Variants in ST7 observed in about 807,000 individuals in gnomAD.
The protein encoded by ST7 is suppressor of tumorigenicity 7 protein.
Under a neutral mutation model 78.7 loss-of-function variants are expected in ST7, and 28 were observed. The observed-to-expected ratio is 0.36, with a 90% CI of 0.26 to 0.49. ST7 has a LOEUF of 0.49. Among genes scored for constraint, ST7 ranks in the 20% least tolerant of loss-of-function variants. The pLI is 0.99. For synonymous variants in ST7, 247 were observed against 249.6 expected (o/e 0.99, Z 0.10); for missense variants, 418 against 696.0 (o/e 0.60, Z 4.49).
intron 1 of ST7, among the ~76,000 whole-genome samples, chr7:117,044,584 C>A (rs1797395783): frequency 6.6e-6 from 1 of 151,746 alleles, no homozygotes; most frequent in Non-Finnish European, 1.5e-5. Context: ...CTCTTGACCA[C>A]AAGTGATCAG....
At chr7:117,004,924 A>G (rs1340209540) in intron 1 of ST7, among the ~76,000 whole-genome samples, 1 of 152,210 alleles carries the variant, frequency 6.6e-6, no homozygotes, top group African/African-American at 2.4e-5. Context: ...AATTAGGAGT[A>G]ATGGGAACTT....
chr7:116,967,219 T>C (rs901138523), intron 1 of ST7: 3 of 455,836 alleles, frequency 6.6e-6, no homozygotes, highest in African/African-American at 4.0e-5. Flanking sequence ...TATATTGGTA[T>C]GAATAGGTAG....
intron 1 of ST7, chr7:116,955,087 G>T: frequency 2.1e-6 from 1 of 470,858 alleles, no homozygotes; most frequent in Non-Finnish European, 4.4e-6. Flanking sequence ...GAAAGACCAT[G>T]GCTTTCTCGC....
intron 1 of ST7, among the ~76,000 whole-genome samples, chr7:117,008,069 CAG>C (rs1448125466): frequency 3.3e-5 from 5 of 152,018 alleles, no homozygotes; most frequent in Non-Finnish European, 5.9e-5. Context: ...GACAAAAAAG[CAG>C]AGAGGAAATT....
intron 7 of ST7, among the ~76,000 whole-genome samples, chr7:117,134,651 A>G (rs1407210403): frequency 1.3e-5 from 2 of 151,920 alleles, no homozygotes; most frequent in Non-Finnish European, 2.9e-5. Context: ...TCACTTCATT[A>G]CCCTTGCCTC....
At chr7:117,072,527 T>C (rs572710357) in intron 1 of ST7, 1 of 152,200 alleles carries the variant, frequency 6.6e-6, no homozygotes, top group Non-Finnish European at 1.5e-5. Context: ...TTCCCCAGAT[T>C]ATCTTTTGTA....
chr7:117,000,159 C>T (rs913839827), intron 1 of ST7, among the ~76,000 whole-genome samples: 12 of 152,062 alleles, frequency 7.9e-5, no homozygotes, highest in Non-Finnish European at 1.5e-4. Flanking sequence ...GGAGATGAAC[C>T]GTGGACTGTG....
chr7:117,104,707 G>T (rs773327027), intron 2 of ST7, among the ~76,000 whole-genome samples: 38 of 152,162 alleles, frequency 2.5e-4, no homozygotes, highest in Non-Finnish European at 4.9e-4. Flanking sequence ...CCAAAATTTA[G>T]AATCAATTTA....
intron 1 of ST7, among the ~76,000 whole-genome samples, chr7:117,042,191 A>G (rs1332537672): frequency 6.6e-6 from 1 of 152,240 alleles, no homozygotes; most frequent in Non-Finnish European, 1.5e-5. Flanking sequence ...AAAAAGATGT[A>G]GAGACTATCT....
intron 1 of ST7, among the ~76,000 whole-genome samples, chr7:116,998,133 C>T (rs1563001851): frequency 6.6e-6 from 1 of 152,230 alleles, no homozygotes; most frequent in Non-Finnish European, 1.5e-5. Context: ...AGGTCCTGAG[C>T]CCTGCCCACT....
intron 1 of ST7, among the ~76,000 whole-genome samples, chr7:117,039,218 C>G (rs568853293): frequency 6.6e-5 from 10 of 152,164 alleles, no homozygotes; most frequent in African/African-American, 2.4e-4. Context: ...AAAGGCTTGC[C>G]AAACTTTAAG....
chr7:116,955,538 G>A (rs1792420884), intron 1 of ST7, among the ~76,000 whole-genome samples: 1 of 152,048 alleles, frequency 6.6e-6, no homozygotes, highest in Non-Finnish European at 1.5e-5. Context: ...CCACTCACAG[G>A]TCCCACCTTT....
In ST7 at chr7:117,108,971, T is replaced by C. The variant is rs117529682; in HGVS notation, c.234+9127T>C. Among the ~76,000 whole-genome samples the C allele has an allele frequency of 5.9e-3, 899 of 152,366 alleles. 9 individuals are homozygous for C. The highest frequency in any genetic ancestry group is 8.6e-3 in the Non-Finnish European group (584 of 68,038). ...TTTTGTATCCTAAAACTTTGCTGAA[T>C]TCATTTACCACTCCTGGGAGCTTTT... is the stretch of plus-strand genomic sequence containing the variant. On this transcript the variant is annotated intron_variant, in intron 2 of 15. Transcript: ENST00000323984.
rs1774864004 is a variant in ST7, at chr7:117,206,004, G to A, written c.1255-3783G>A. 2.0e-5 allele frequency among the ~76,000 whole-genome samples: 3 copies of A among 152,302 alleles called. No homozygotes were observed. In the South Asian group the frequency reaches 6.2e-4, roughly 32 times the overall value. On this transcript the variant is annotated intron_variant, in intron 12 of 15. Transcript: ENST00000323984. ...ATTTTTCTCTTGACAAGTAAGATGTGAAATGTTGTTCCATGCTTTTCTAAT... is the reference window on the plus strand; with the variant it reads ...ATTTTTCTCTTGACAAGTAAGATGTAAAATGTTGTTCCATGCTTTTCTAAT...
chr7:116,994,990 C>G (rs1436575610), intron 1 of ST7, among the ~76,000 whole-genome samples: 1 of 152,028 alleles, frequency 6.6e-6, no homozygotes, highest in Non-Finnish European at 1.5e-5. Flanking sequence ...CCTCTGTATT[C>G]TGGTTGGGTT....
At chr7:117,144,491 G>A (rs1316768583) in intron 9 of ST7, among the ~76,000 whole-genome samples, 1 of 151,658 alleles carries the variant, frequency 6.6e-6, no homozygotes, top group African/African-American at 2.4e-5. Context: ...AATTAGTTGG[G>A]CATGGTGGTA....
chr7:117,005,142 C>G (rs935532686), intron 1 of ST7, among the ~76,000 whole-genome samples: 7 of 152,042 alleles, frequency 4.6e-5, no homozygotes, highest in African/African-American at 1.4e-4. Context: ...TTTTACATTC[C>G]CAGTGAAATG....
chr7:117,165,164 A>C (rs1477485058), intron 9 of ST7, among the ~76,000 whole-genome samples: 1 of 152,178 alleles, frequency 6.6e-6, no homozygotes, highest in African/African-American at 2.4e-5. Flanking sequence ...AGGCCGGAGG[A>C]ATCTGGCCTT....
intron 1 of ST7, among the ~76,000 whole-genome samples, chr7:116,980,426 T>A (rs1272149747): frequency 6.6e-6 from 1 of 152,186 alleles, no homozygotes; most frequent in Non-Finnish European, 1.5e-5. Context: ...CTTAGTCTCC[T>A]TGTCCTGTGG....
Sources: allele counts gnomAD v4.1 joint callset (sites outside exome capture counted in the v4.1 genomes callset), GRCh38; gene constraint gnomAD v4.1.1; transcripts MANE v1.5; gene names NCBI Gene and HGNC (gene_info 2026-07-23, HGNC 2026-07-21).